The following IMMP2L variants were observed in gnomAD, a reference collection of about 807,000 sequenced individuals.
IMMP2L encodes inner mitochondrial membrane peptidase subunit 2, also known as mitochondrial inner membrane protease subunit 2.
In IMMP2L, 18 loss-of-function variants were observed where a neutral mutation model predicts 19.3. The observed-to-expected ratio is 0.93, with a 90% CI of 0.64 to 1.38. The LOEUF is 1.38. Among genes scored for constraint, IMMP2L ranks in the 40% most tolerant of loss-of-function variants. The pLI is 0.00. For missense variants in IMMP2L, 233 were observed against 218.2 expected (o/e 1.07, Z -0.43); for synonymous variants, 76 against 73.0 (o/e 1.04, Z -0.21).
rs747309405 is a variant in IMMP2L, at chr7:111,124,451, C to G, written c.240-160886G>C. On this transcript the variant is annotated intron_variant, in intron 3 of 5. Coordinates refer to ENST00000405709, the MANE Select transcript of IMMP2L (RefSeq NM_032549.4). ...GTTAAATGGACAGCCTTTGTCAAGACTGAAAATTCTCATGCTGCGCAAAGT... is the reference window on the plus strand; with the variant it reads ...GTTAAATGGACAGCCTTTGTCAAGAGTGAAAATTCTCATGCTGCGCAAAGT... The G allele has an allele frequency of 8.7e-6, 14 of 1,613,736 alleles. No individual in the cohort carries two copies. The Admixed American group carries it at 2.3e-4, about 27-fold the overall frequency.
intron 3 of IMMP2L, among the ~76,000 whole-genome samples, chr7:111,293,923 G>C (rs1170731991): frequency 1.3e-5 from 2 of 151,934 alleles, no homozygotes; most frequent in Non-Finnish European, 2.9e-5. Context: ...TTCTGATCAT[G>C]CAATCAAGTT....
chr7:111,158,902 C>T (rs368714395), intron 3 of IMMP2L, among the ~76,000 whole-genome samples: 1 of 151,990 alleles, frequency 6.6e-6, no homozygotes, highest in South Asian at 2.1e-4. Context: ...ATTAGAGTAT[C>T]GATGAAATAA....
chr7:110,830,653 A>G (rs2131380517), intron 5 of IMMP2L, among the ~76,000 whole-genome samples: 2 of 152,230 alleles, frequency 1.3e-5, no homozygotes, highest in East Asian at 3.9e-4. Flanking sequence ...TGAGGTGTGC[A>G]AGAAGCCACT....
At chr7:111,297,711 A>T (rs910280876) in intron 3 of IMMP2L, among the ~76,000 whole-genome samples, 1 of 152,174 alleles carries the variant, frequency 6.6e-6, no homozygotes, top group African/African-American at 2.4e-5. Context: ...ATTCCCACAA[A>T]GAAAAATTGC....
chr7:111,560,287 T>C (rs1791884573), intron 1 of IMMP2L, among the ~76,000 whole-genome samples: 1 of 152,168 alleles, frequency 6.6e-6, no homozygotes, highest in African/African-American at 2.4e-5. Flanking sequence ...AAAGAACTAT[T>C]CTAGCTTAGA....
intron 4 of IMMP2L, among the ~76,000 whole-genome samples, chr7:110,952,440 G>A (rs1418321787): frequency 6.6e-6 from 1 of 152,068 alleles, no homozygotes; most frequent in South Asian, 2.1e-4. Flanking sequence ...ATACACAAAT[G>A]CACTAACCAG....
At chr7:111,065,721 C>A (rs2129574861) in intron 3 of IMMP2L, among the ~76,000 whole-genome samples, 1 of 152,320 alleles carries the variant, frequency 6.6e-6, no homozygotes, top group South Asian at 2.1e-4. Context: ...ACTCCAAGTT[C>A]TCCTGTTCTC....
chr7:111,197,435 C>CCTGGGCAACAGG (rs1468456401), intron 3 of IMMP2L, among the ~76,000 whole-genome samples: 1 of 152,042 alleles, frequency 6.6e-6, no homozygotes, highest in Non-Finnish European at 1.5e-5. Flanking sequence ...GGTGCTCCAG[C>CCTGGGCAACAGG]CTGGGCAACA....
intron 4 of IMMP2L, among the ~76,000 whole-genome samples, chr7:110,949,327 A>G (rs1817559121): frequency 6.6e-6 from 1 of 152,042 alleles, no homozygotes; most frequent in Non-Finnish European, 1.5e-5. Flanking sequence ...GGAAAATCTC[A>G]CTTAAATTAA....
At position 110,953,609 on chromosome 7, in the gene IMMP2L, A is replaced by T. The variant is rs918454961; in HGVS notation, c.305+9891T>A. 2.0e-5 allele frequency among the ~76,000 whole-genome samples: 3 copies of T among 152,074 alleles called. No individual in the cohort carries two copies. The East Asian group carries it at 5.8e-4, about 29-fold the overall frequency. ...TTGGTTCCAAGTCTTTGCTATTGTA[A>T]ATAGTGCCACAATAAACATATATGT... On this transcript the variant is annotated intron_variant, in intron 4 of 5. Transcript: ENST00000405709.
At chr7:111,404,778 G>T (rs1282509634) in intron 3 of IMMP2L, among the ~76,000 whole-genome samples, 2 of 151,978 alleles carry the variant, frequency 1.3e-5, no homozygotes, top group African/African-American at 4.8e-5. Flanking sequence ...ATGTCAATTG[G>T]TATTTCTTAA....
At chr7:111,211,419 C>T (rs1447064872) in intron 3 of IMMP2L, among the ~76,000 whole-genome samples, 1 of 152,118 alleles carries the variant, frequency 6.6e-6, no homozygotes, top group African/African-American at 2.4e-5. Flanking sequence ...GAGTTTAAAG[C>T]ATGCCGCAAT....
intron 2 of IMMP2L, among the ~76,000 whole-genome samples, chr7:111,514,354 C>T (rs1410085859): frequency 6.6e-6 from 1 of 151,852 alleles, no homozygotes; most frequent in East Asian, 1.9e-4. Flanking sequence ...CAACATCGCA[C>T]ACCGGGGCCT....
chr7:110,974,338 A>G (rs1820471261), intron 3 of IMMP2L, among the ~76,000 whole-genome samples: 1 of 152,118 alleles, frequency 6.6e-6, no homozygotes. Flanking sequence ...GTGGGATCTA[A>G]TCCACATTAG....
At chr7:111,417,334 G>A (rs1166766564) in intron 3 of IMMP2L, among the ~76,000 whole-genome samples, 1 of 151,822 alleles carries the variant, frequency 6.6e-6, no homozygotes, top group Non-Finnish European at 1.5e-5. Flanking sequence ...GGGCGTCACA[G>A]TGAGCAACCT....
chr7:111,502,449 T>G (rs1223129808), intron 2 of IMMP2L, among the ~76,000 whole-genome samples: 1 of 152,084 alleles, frequency 6.6e-6, no homozygotes, highest in Non-Finnish European at 1.5e-5. Context: ...GGAATTGAAC[T>G]CACCTCTGCC....
chr7:111,422,449 T>C (rs941903018), intron 3 of IMMP2L, among the ~76,000 whole-genome samples: 1 of 151,802 alleles, frequency 6.6e-6, no homozygotes, highest in Non-Finnish European at 1.5e-5. Context: ...CCCTTGGAAG[T>C]TGGATTCCTA....
chr7:110,700,698 T>C (rs1308806526), intron 5 of IMMP2L, among the ~76,000 whole-genome samples: 1 of 152,200 alleles, frequency 6.6e-6, no homozygotes, highest in Non-Finnish European at 1.5e-5. Context: ...TTAGCATCTG[T>C]TGGATATTGG....
At chr7:111,171,087 A>C (rs951405240) in intron 3 of IMMP2L, among the ~76,000 whole-genome samples, 1 of 151,764 alleles carries the variant, frequency 6.6e-6, no homozygotes, top group Admixed American at 6.6e-5. Flanking sequence ...CTGAGAAATC[A>C]GTATAAAAAT....
Sources: gnomAD v4.1 joint callset for allele counts (sites outside exome capture counted in the v4.1 genomes callset) on GRCh38, gnomAD v4.1.1 for gene constraint, MANE v1.5 for transcripts, NCBI Gene and HGNC (gene_info 2026-07-23, HGNC 2026-07-21) for gene names.